LGALS9: variants seen among roughly 807,000 people sequenced by gnomAD.
LGALS9 encodes the protein galectin 9.
In LGALS9, 26 loss-of-function variants were observed where a neutral mutation model predicts 35.9. The ratio of observed to expected loss-of-function variants is 0.72; its 90% CI spans 0.53 to 1.01. The LOEUF (loss-of-function observed/expected upper bound fraction) is 1.01. Ranked by LOEUF, LGALS9 falls within the 50% of genes least tolerant of loss-of-function variation. The probability of loss-of-function intolerance (pLI) is 0.00; values close to 1 mark genes in which losing one functional copy is unlikely to be tolerated. For synonymous variants in LGALS9, 149 were observed against 172.2 expected, an observed-to-expected ratio of 0.87 and a Z score of 1.06; for missense variants, 347 against 445.8, an observed-to-expected ratio of 0.78 and a Z score of 1.99.
chr17:27,640,312 T>G, intron 2 of LGALS9: 1 of 547,264 alleles, frequency 1.8e-6, no homozygotes, highest in Non-Finnish European at 3.3e-6. Context: ...GTTTCTTGTT[T>G]GCTAATACCA....
At position 27,631,322 on chromosome 17, in the gene LGALS9, G is replaced by A; in HGVS notation, c.39+18G>A. ...TGAGTCCAGTGAGTTCCAGGGCTATGGGCACAGGGCTGCCTCAGCCAGAGG... is the reference window on the plus strand; with the variant it reads ...TGAGTCCAGTGAGTTCCAGGGCTATAGGCACAGGGCTGCCTCAGCCAGAGG... On this transcript the variant is annotated intron_variant, in intron 1 of 10. Coordinates refer to ENST00000395473, the MANE Select transcript of LGALS9 (RefSeq NM_009587.3). 6.2e-7 allele frequency: 1 copy of A among 1,614,154 alleles called. No homozygotes were observed. The highest frequency in any genetic ancestry group is 8.5e-7 in the Non-Finnish European group (1 of 1,180,010).
intron 1 of LGALS9, among the ~76,000 whole-genome samples, chr17:27,632,321 C>G (rs1598176980): frequency 6.6e-6 from 1 of 152,138 alleles, no homozygotes; most frequent in Admixed American, 6.5e-5. Flanking sequence ...GCTGCCATGG[C>G]CCACCTCAGC....
At chr17:27,647,199 C>G in intron 9 of LGALS9, 71 bp from the exon 10 acceptor site, 1 of 1,613,720 alleles carries the variant, frequency 6.2e-7, no homozygotes, top group Non-Finnish European at 8.5e-7. Context: ...TTCAGGAAGG[C>G]TACTGATGAT....
intron 1 of LGALS9, among the ~76,000 whole-genome samples, chr17:27,635,429 T>A (rs1224284770): frequency 1.4e-5 from 2 of 147,878 alleles, no homozygotes; most frequent in African/African-American, 5.0e-5. Context: ...GGCAACAGAG[T>A]GAGAACCCAT....
At chr17:27,641,102 A>G (rs1904460391) in intron 3 of LGALS9, 2 of 510,620 alleles carry the variant, frequency 3.9e-6, no homozygotes, top group Admixed American at 5.0e-5. Flanking sequence ...GGTCACTGGT[A>G]ACATTTATTT....
intron 1 of LGALS9, among the ~76,000 whole-genome samples, chr17:27,631,846 C>T (rs1274618755): frequency 6.6e-6 from 1 of 151,894 alleles, no homozygotes; most frequent in Non-Finnish European, 1.5e-5. Context: ...ACTGTAGGTG[C>T]TTTGGGAGTG....
chr17:27,635,116 C>A (rs1207171759), intron 1 of LGALS9, among the ~76,000 whole-genome samples: 1 of 152,260 alleles, frequency 6.6e-6, no homozygotes, highest in African/African-American at 2.4e-5. Context: ...TATAATGCTG[C>A]AATGAATAAC....
intron 2 of LGALS9, 27 bp from the exon 3 acceptor site, chr17:27,640,545 A>G (rs1904390167): frequency 1.9e-6 from 3 of 1,613,710 alleles, no homozygotes; most frequent in Non-Finnish European, 2.5e-6. Flanking sequence ...CATGCCACAG[A>G]AGACTATTTG....
chr17:27,641,695 T>C (rs1904511870), intron 3 of LGALS9, among the ~76,000 whole-genome samples: 1 of 152,066 alleles, frequency 6.6e-6, no homozygotes, highest in South Asian at 2.1e-4. Flanking sequence ...TTGAAGGGGA[T>C]GGAAATGGCA....
intron 1 of LGALS9, 115 bp from the exon 2 acceptor site, chr17:27,638,148 C>T (rs2074475046): frequency 3.6e-6 from 3 of 842,998 alleles, no homozygotes; most frequent in African/African-American, 1.7e-5. Context: ...GTCACAGCCG[C>T]ACCCTATCCC....
At chr17:27,646,498 C>G (rs749209890) in intron 7 of LGALS9, 49 bp from the exon 8 acceptor site, 1 of 1,611,574 alleles carries the variant, frequency 6.2e-7, no homozygotes, top group South Asian at 1.1e-5. Context: ...GGTGAGTGCT[C>G]GCGCACCCAT....
At chr17:27,643,751 T>A in intron 5 of LGALS9, 131 bp downstream of exon 5, 1 of 1,405,256 alleles carries the variant, frequency 7.1e-7, no homozygotes, top group Non-Finnish European at 9.4e-7. Context: ...GAGTTCCCTG[T>A]CTCTGTCCGC....
At chr17:27,645,453 G>A in intron 6 of LGALS9, 104 bp downstream of exon 6, 4 of 1,466,152 alleles carry the variant, frequency 2.7e-6, no homozygotes, top group Admixed American at 1.9e-5. Flanking sequence ...GAGTGGGGAG[G>A]GCACAGACCA....
chr17:27,632,808 C>G (rs2074405549), intron 1 of LGALS9, among the ~76,000 whole-genome samples: 1 of 152,320 alleles, frequency 6.6e-6, no homozygotes, highest in East Asian at 1.9e-4. Flanking sequence ...GTCCAGAGTA[C>G]CCCTCTACCC....
At chr17:27,645,406 G>A in intron 6 of LGALS9, 57 bp downstream of exon 6, 6 of 1,606,874 alleles carry the variant, frequency 3.7e-6, no homozygotes, top group Non-Finnish European at 4.3e-6. Context: ...TGGGCTCATG[G>A]AGGAGGCAGG....
chr17:27,632,192 C>T (rs559330500), intron 1 of LGALS9, among the ~76,000 whole-genome samples: 9 of 151,632 alleles, frequency 5.9e-5, no homozygotes, highest in African/African-American at 1.9e-4. Context: ...GTCATAGGAT[C>T]TCACCCCGCC....
intron 10 of LGALS9, 40 bp downstream of exon 10, chr17:27,647,472 GGT>G: frequency 6.2e-7 from 1 of 1,611,954 alleles, no homozygotes; most frequent in Non-Finnish European, 8.5e-7. Flanking sequence ...GGCTCCCATG[GGT>G]GCACAGGGGG....
At chr17:27,639,564 A>C (rs937521092) in intron 2 of LGALS9, among the ~76,000 whole-genome samples, 1 of 152,136 alleles carries the variant, frequency 6.6e-6, no homozygotes, top group Admixed American at 6.5e-5. Context: ...CCATTTATTC[A>C]TTTAATTAAT....
chr17:27,646,425 G>A, intron 7 of LGALS9, 122 bp from the exon 8 acceptor site: 4 of 1,490,574 alleles, frequency 2.7e-6, no homozygotes, highest in South Asian at 1.1e-5. Flanking sequence ...CGAGTCCAAG[G>A]GCCAAAGGCT....
Sources: allele counts gnomAD v4.1 joint callset (sites outside exome capture counted in the v4.1 genomes callset), GRCh38; gene constraint gnomAD v4.1.1; transcripts MANE v1.5; gene names NCBI Gene and HGNC (gene_info 2026-07-23, HGNC 2026-07-21).